The following CMTM8 variants were observed in gnomAD, a reference collection of about 807,000 sequenced individuals.
The protein encoded by CMTM8 is CKLF-like MARVEL transmembrane domain-containing protein 8.
In CMTM8, 12 loss-of-function variants were observed where a neutral mutation model predicts 18.6. The observed-to-expected ratio is 0.65, with a 90% CI of 0.41 to 1.05. CMTM8 has a LOEUF of 1.05. CMTM8 is among the 50% of genes least tolerant of loss of function. CMTM8 has a pLI of 0.00. For missense variants in CMTM8, 217 were observed against 227.2 expected (o/e 0.95, Z 0.29); for synonymous variants, 87 against 90.6 (o/e 0.96, Z 0.23).
intron 1 of CMTM8, among the ~76,000 whole-genome samples, chr3:32,295,455 C>CAAAAAAAAAAAAAAAAAAAAAAA (rs1400148634): frequency 7.3e-5 from 2 of 27,544 alleles, no homozygotes; most frequent in Non-Finnish European, 1.3e-4. Flanking sequence ...GACTCCATCT[C>CAAAAAAAAAAAAAAAAAAAAAAA]AAAAAAAAAA....
At chr3:32,291,678 G>T (rs1322381778) in intron 1 of CMTM8, among the ~76,000 whole-genome samples, 1 of 152,192 alleles carries the variant, frequency 6.6e-6, no homozygotes, top group African/African-American at 2.4e-5. Flanking sequence ...CATGGCCACA[G>T]GGGAATCCAG....
chr3:32,361,285 A>AGTTTGTTTTTTTTTTTTT lies in CMTM8; in HGVS notation c.321+3743_321+3744insGTTTTTTTTTTTTTGTTT, dbSNP rs1553608165. On this transcript the variant is annotated intron_variant, in intron 2 of 3. Transcript: ENST00000307526. ...TGTGAGCCACGGCGCCCAGCCTAAG[A>AGTTTGTTTTTTTTTTTTT]GTTTTTTTTTCTTTCAAATTTTGGA... Among the ~76,000 whole-genome samples, 125 of 23,904 alleles carry AGTTTGTTTTTTTTTTTTT rather than the reference A, an allele frequency of 5.2e-3. 1 individual carries two copies. Among genetic ancestry groups the AGTTTGTTTTTTTTTTTTT allele is most frequent in the African/African-American group, 0.01 (112 of 10,998 alleles). 15.7% of individuals were successfully genotyped at this position (23,904 alleles called of 152,430 possible).
chr3:32,284,077 C>A (rs1304745935), intron 1 of CMTM8, among the ~76,000 whole-genome samples: 2 of 152,128 alleles, frequency 1.3e-5, no homozygotes, highest in African/African-American at 2.4e-5. Context: ...CATGGTGAAA[C>A]CCTGTCTCTA....
At chr3:32,353,670 A>C (rs1056486999) in intron 1 of CMTM8, among the ~76,000 whole-genome samples, 11 of 152,222 alleles carry the variant, frequency 7.2e-5, no homozygotes, top group Admixed American at 6.5e-4. Context: ...TTATAAATGC[A>C]AGGAAAGAGG....
intron 1 of CMTM8, among the ~76,000 whole-genome samples, chr3:32,306,229 T>G (rs1416712542): frequency 6.6e-6 from 1 of 152,198 alleles, no homozygotes; most frequent in African/African-American, 2.4e-5. Context: ...TCATCCTTCA[T>G]CAGTTTGGCC....
Position 32,327,168 on chromosome 3 carries a change from A to G in CMTM8, c.148-30205A>G, listed in dbSNP as rs572896783. On this transcript the variant is annotated intron_variant, in intron 1 of 3. Coordinates refer to ENST00000307526, the MANE Select transcript of CMTM8 (RefSeq NM_178868.5). ...AAGGTGCTGTAAACAGGTATAATCC[A>G]GGAAAACTCAAGTTTACATGGAAAC... Among the ~76,000 whole-genome samples the G allele has an allele frequency of 3.3e-5, 5 of 152,296 alleles. No individual in the cohort carries two copies. The South Asian group carries it at 1.0e-3, about 32-fold the overall frequency.
intron 1 of CMTM8, among the ~76,000 whole-genome samples, chr3:32,248,773 C>T (rs1702076331): frequency 6.6e-6 from 1 of 151,986 alleles, no homozygotes; most frequent in South Asian, 2.1e-4. Flanking sequence ...ACCACAAACT[C>T]CTGGGCTTGA....
chr3:32,342,512 G>A (rs1696518558), intron 1 of CMTM8, among the ~76,000 whole-genome samples: 1 of 152,184 alleles, frequency 6.6e-6, no homozygotes, highest in Non-Finnish European at 1.5e-5. Context: ...ACAGGGGCAT[G>A]CTAACCATGG....
chr3:32,287,612 CATG>C (rs1239214074), intron 1 of CMTM8, among the ~76,000 whole-genome samples: 1 of 152,118 alleles, frequency 6.6e-6, no homozygotes, highest in African/African-American at 2.4e-5. Flanking sequence ...TAAATGAAAA[CATG>C]AGAGTTAGGG....
chr3:32,238,987 G>A lies in CMTM8; in HGVS notation c.15G>A (p.Gln5=). MEEP[Q]RARSHTVTTT... ...GTGGCTCGACGATGGAGGAGCCGCA[G>A]CGCGCCCGCTCGCACACAGTCACCA... Residue 5 remains glutamine (Q), a synonymous_variant, in exon 1 of 4, where the codon CAG becomes CAA. Transcript: ENST00000307526. The A allele has an allele frequency of 6.5e-7, 1 of 1,550,202 alleles. No individual in the cohort carries two copies. The highest frequency in any genetic ancestry group is 8.7e-7 in the Non-Finnish European group (1 of 1,147,320).
At chr3:32,333,572 G>A (rs999655541) in intron 1 of CMTM8, among the ~76,000 whole-genome samples, 6 of 146,686 alleles carry the variant, frequency 4.1e-5, no homozygotes, top group Non-Finnish European at 7.4e-5. Context: ...GAACCATTTC[G>A]CTAGATCTAA....
chr3:32,243,427 AGGC>A (rs1701970439), intron 1 of CMTM8, among the ~76,000 whole-genome samples: 1 of 149,496 alleles, frequency 6.7e-6, no homozygotes, highest in African/African-American at 2.5e-5. Context: ...GCTACTCGGG[AGGC>A]TGAGGCAGAA....
At chr3:32,296,800 C>T (rs778694425) in intron 1 of CMTM8, among the ~76,000 whole-genome samples, 4 of 152,180 alleles carry the variant, frequency 2.6e-5, no homozygotes, top group Non-Finnish European at 4.4e-5. Context: ...AGGTTTTCCT[C>T]GGGAAGAGCA....
At chr3:32,331,479 A>G (rs1696273279) in intron 1 of CMTM8, among the ~76,000 whole-genome samples, 1 of 152,140 alleles carries the variant, frequency 6.6e-6, no homozygotes, top group Non-Finnish European at 1.5e-5. Flanking sequence ...TAGATCCAAA[A>G]GAATTAAAGA....
intron 1 of CMTM8, among the ~76,000 whole-genome samples, chr3:32,265,957 A>T (rs1409357083): frequency 1.3e-5 from 2 of 151,266 alleles, no homozygotes; most frequent in Admixed American, 6.6e-5. Context: ...TTGAGGCAAT[A>T]ATTAATAGCT....
chr3:32,274,790 T>C (rs952287176), intron 1 of CMTM8, among the ~76,000 whole-genome samples: 6 of 152,216 alleles, frequency 3.9e-5, no homozygotes, highest in African/African-American at 7.2e-5. Flanking sequence ...ATACTCAGTC[T>C]TTGTCTTTCA....
chr3:32,259,925 C>A, intron 1 of CMTM8: 1 of 1,112,040 alleles, frequency 9.0e-7, no homozygotes, highest in Non-Finnish European at 1.3e-6. Context: ...GGTGGAGGCC[C>A]GCTACACCCT....
rs1267649327 is a variant in CMTM8, at chr3:32,298,960, T to A, written c.148-58413T>A. The stretch of plus-strand genomic sequence containing the variant: ...ATATATGTATATATATATATATTTT[T>A]TTTTTTTTAGAGACAGGGGTCCAGG... On this transcript the variant is annotated intron_variant, in intron 1 of 3. Transcript: ENST00000307526. Among the ~76,000 whole-genome samples the A allele has an allele frequency of 2.4e-3, 351 of 143,802 alleles. 1 individual carries two copies. The highest frequency in any genetic ancestry group is 7.9e-3 in the African/African-American group (308 of 39,106). The allele number at this position is 143,802 out of a possible 152,430, so 94.3% of individuals were successfully genotyped here. A position where few individuals can be genotyped will look rare whatever the true frequency, so the allele number is the denominator to read the frequency against.
intron 1 of CMTM8, among the ~76,000 whole-genome samples, chr3:32,326,490 C>T (rs1376355260): frequency 8.6e-5 from 13 of 151,428 alleles, no homozygotes; most frequent in African/African-American, 2.9e-4. Context: ...ACTGCTTACA[C>T]TGAGGTCCTG....
Sources: gnomAD v4.1 joint callset for allele counts (sites outside exome capture counted in the v4.1 genomes callset) on GRCh38, gnomAD v4.1.1 for gene constraint, MANE v1.5 for transcripts, NCBI Gene and HGNC (gene_info 2026-07-23, HGNC 2026-07-21) for gene names.